C4orf36: variants seen among roughly 807,000 people sequenced by gnomAD.
C4orf36 encodes uncharacterized protein C4orf36.
In C4orf36, 11 loss-of-function variants were observed where a neutral mutation model predicts 12.2. That is an observed-to-expected ratio of 0.90 (90% CI 0.57 to 1.49). The LOEUF is 1.49. Among genes scored for constraint, C4orf36 ranks in the 40% most tolerant of loss-of-function variants. The pLI, the probability that C4orf36 is intolerant of heterozygous loss-of-function variation, is 0.00. For synonymous variants in C4orf36, 54 were observed against 51.3 expected, an observed-to-expected ratio of 1.05 and a Z score of -0.22; for missense variants, 137 against 133.9, an observed-to-expected ratio of 1.02 and a Z score of -0.11.
chr4:86,919,539 G>A, the C4orf36 span, among the ~76,000 whole-genome samples: 1 of 151,682 alleles, frequency 6.6e-6, no homozygotes, highest in Non-Finnish European at 1.5e-5. Context: ...TGGCCAGGCT[G>A]GTCTTGAAGT....
intron 2 of C4orf36, among the ~76,000 whole-genome samples, chr4:86,890,912 C>T (rs1015125687): frequency 2.0e-5 from 3 of 152,178 alleles, no homozygotes; most frequent in African/African-American, 7.2e-5. Context: ...AAGAAGATGG[C>T]CTTAGGGAGC....
the C4orf36 span, among the ~76,000 whole-genome samples, chr4:86,921,021 C>A: frequency 6.6e-6 from 1 of 151,882 alleles, no homozygotes; most frequent in South Asian, 2.1e-4. Flanking sequence ...CAAAATTAAC[C>A]GGGCATGGTG....
the C4orf36 span, among the ~76,000 whole-genome samples, chr4:86,911,012 G>A: frequency 6.6e-6 from 1 of 152,196 alleles, no homozygotes; most frequent in South Asian, 2.1e-4. Context: ...GAACCTGGGA[G>A]GCAGAAGTTG....
the C4orf36 span, among the ~76,000 whole-genome samples, chr4:86,919,338 T>TTTG: frequency 8.0e-6 from 1 of 125,208 alleles, no homozygotes; most frequent in Non-Finnish European, 1.7e-5. Flanking sequence ...TTTTTTTTTT[T>TTTG]TTGAGGAGGA....
At chr4:86,930,964 T>G in the C4orf36 span, among the ~76,000 whole-genome samples, 1 of 152,186 alleles carries the variant, frequency 6.6e-6, no homozygotes, top group Non-Finnish European at 1.5e-5. Flanking sequence ...CTGCCCACAA[T>G]CTATACCTGG....
chr4:86,927,755 C>A, the C4orf36 span, among the ~76,000 whole-genome samples: 2 of 150,870 alleles, frequency 1.3e-5, no homozygotes, highest in Non-Finnish European at 2.9e-5. Flanking sequence ...GCCGAGATCA[C>A]GCCACTGCAC....
At chr4:86,910,661 G>C in the C4orf36 span, among the ~76,000 whole-genome samples, 1 of 152,284 alleles carries the variant, frequency 6.6e-6, no homozygotes, top group African/African-American at 2.4e-5. Context: ...TGAGGAGTCA[G>C]TGTGCTGTGG....
At chr4:86,914,021 C>T in the C4orf36 span, 1 of 1,608,172 alleles carries the variant, frequency 6.2e-7, no homozygotes, top group East Asian at 2.2e-5. Context: ...ATCCTGCTGC[C>T]AGCAAAACGT....
chr4:86,923,763 C>CA, the C4orf36 span, among the ~76,000 whole-genome samples: 2,447 of 61,956 alleles, frequency 0.039, 50 homozygotes, highest in African/African-American at 0.079. Flanking sequence ...GACTCTGTCT[C>CA]AAAAAAAAAA....
chr4:86,903,893 T>A, the C4orf36 span, among the ~76,000 whole-genome samples: 1 of 152,134 alleles, frequency 6.6e-6, no homozygotes, highest in Non-Finnish European at 1.5e-5. Context: ...TTTCTCCAAG[T>A]CCCCACTGAC....
Position 86,887,871 on chromosome 4 carries a change from A to C in C4orf36, c.243T>G (p.Tyr81Ter). The change falls in exon 4 of 5, where the codon TAT becomes TAG. Residue 81 changes from tyrosine to a stop codon, truncating the protein, a stop_gained. Coordinates refer to ENST00000295898, the MANE Select transcript of C4orf36 (RefSeq NM_144645.4). LOFTEE classifies it high-confidence loss of function. ...SAESIKLERE[Y>*]EVKRLCKLKC... ...TCAGTTTACAAAGACGCTTCACTTC[A>C]TACTCCCTTTCGAGTTTGATAGCTG... 6.2e-7 allele frequency: 1 copy of C among 1,614,136 alleles called. No homozygotes were observed. The highest frequency in any genetic ancestry group is 8.5e-7 in the Non-Finnish European group (1 of 1,180,020).
At chr4:86,914,141 T>C in the C4orf36 span, 1 of 1,599,236 alleles carries the variant, frequency 6.3e-7, no homozygotes, top group Non-Finnish European at 8.6e-7. Flanking sequence ...AAATGAATCG[T>C]GCTCCACTTC....
At chr4:86,914,992 C>A in the C4orf36 span, among the ~76,000 whole-genome samples, 4 of 152,008 alleles carry the variant, frequency 2.6e-5, no homozygotes, top group Non-Finnish European at 4.4e-5. Flanking sequence ...GAAACCTGAC[C>A]CTCATTATCT....
At chr4:86,883,775 C>T (rs530739535) in intron 4 of C4orf36, among the ~76,000 whole-genome samples, 1 of 152,162 alleles carries the variant, frequency 6.6e-6, no homozygotes, top group South Asian at 2.1e-4. Flanking sequence ...CACCTGTAAT[C>T]CCAGCACTTT....
the C4orf36 span, among the ~76,000 whole-genome samples, chr4:86,902,418 C>CAAAAAAAAAAAAAA: frequency 1.4e-4 from 8 of 58,954 alleles, no homozygotes; most frequent in South Asian, 8.5e-4. Flanking sequence ...ATGAGACTCT[C>CAAAAAAAAAAAAAA]AAAAAAAAAA....
chr4:86,930,493 T>C, the C4orf36 span, among the ~76,000 whole-genome samples: 4 of 152,382 alleles, frequency 2.6e-5, no homozygotes, highest in Admixed American at 6.5e-5. Context: ...CTAGACAATA[T>C]ACCCACATTT....
At position 86,888,175 on chromosome 4, in the gene C4orf36, C is replaced by A; in HGVS notation, c.166G>T (p.Val56Leu). ...ATGGTGGTACATTTTGTGAGCTGCA[C>A]AGAACCACCAAATGAAATTTCTTCC... The part of the protein sequence containing the change: ...FLEEISFGGS[V>L]QLTKCTTIKD... The change falls in exon 3 of 5, where the codon GTG becomes TTG. Residue 56 changes from valine to leucine, a missense_variant. Physicochemically the swap from Val to Leu is conservative, Grantham distance 32. Transcript: ENST00000295898. The A allele has an allele frequency of 6.2e-7, 1 of 1,614,110 alleles. No homozygotes were observed. Among genetic ancestry groups the A allele is most frequent in the South Asian group, 1.1e-5 (1 of 91,078 alleles).
chr4:86,891,548 ACATAGGTG>A lies in C4orf36; in HGVS notation c.-36_-29del. ...TGAGTTATTACGGTATGATTTCGTT[ACATAGGTG>A]CCTGATGGAATGTCACAGATAACTC... On this transcript the variant is annotated 5_prime_UTR_variant, in exon 2 of 5. An upstream start codon of the reference 5' UTR is lost. Transcript: ENST00000295898. 1 of 1,613,938 alleles carries A rather than the reference ACATAGGTG, an allele frequency of 6.2e-7. No homozygotes were observed. The highest frequency in any genetic ancestry group is 8.5e-7 in the Non-Finnish European group (1 of 1,179,978).
rs1371022681 is a variant in C4orf36, at chr4:86,892,334, G to C, written c.-225C>G. The C allele has an allele frequency of 5.1e-5, 50 of 985,376 alleles. No homozygotes were observed. The highest frequency in any genetic ancestry group is 5.8e-5 in the Non-Finnish European group (48 of 829,974). 61.0% of individuals were successfully genotyped at this position (985,376 alleles called of 1,614,324 possible). ...GGCCGGGGTACTGAGGTAAGAGCGC[G>C]CTGCGCTAAGCGCACATGGCCGCGC... On this transcript the variant is annotated 5_prime_UTR_variant, in exon 1 of 5. Transcript: ENST00000295898.
Sources: allele counts gnomAD v4.1 joint callset (sites outside exome capture counted in the v4.1 genomes callset), GRCh38; gene constraint gnomAD v4.1.1; transcripts MANE v1.5; gene names NCBI Gene and HGNC (gene_info 2026-07-23, HGNC 2026-07-21).